Variants in EMCN observed in about 807,000 individuals in gnomAD.
EMCN encodes the protein MUC-14.
A neutral mutation model predicts 38.4 loss-of-function variants in EMCN; 37 were observed. That is an observed-to-expected ratio of 0.96 (90% CI 0.74 to 1.27). The LOEUF (loss-of-function observed/expected upper bound fraction) is 1.27, where lower values mean the gene tolerates loss of function less well. Ranked by LOEUF, EMCN falls within the 50% of genes most tolerant of loss-of-function variation. The pLI is 0.00. For synonymous variants in EMCN, 95 were observed against 100.8 expected (o/e 0.94, Z 0.35); for missense variants, 318 against 302.8 (o/e 1.05, Z -0.37).
intron 1 of EMCN, among the ~76,000 whole-genome samples, chr4:100,492,076 G>A (rs1314340386): frequency 6.6e-6 from 1 of 151,856 alleles, no homozygotes; most frequent in African/African-American, 2.4e-5. Context: ...GAAATGACAG[G>A]AAAAATATCA....
At chr4:100,516,491 C>T (rs1729759997) in intron 1 of EMCN, among the ~76,000 whole-genome samples, 1 of 152,000 alleles carries the variant, frequency 6.6e-6, no homozygotes, top group Admixed American at 6.6e-5. Flanking sequence ...TATCAATCTT[C>T]CCCAAGCAGA....
At chr4:100,407,984 T>C (rs1427314941) in intron 11 of EMCN, among the ~76,000 whole-genome samples, 4 of 152,212 alleles carry the variant, frequency 2.6e-5, no homozygotes, top group Admixed American at 1.3e-4. Flanking sequence ...CTTTGAGTTC[T>C]GAGATTCTTT....
At chr4:100,509,462 T>C (rs1729568089) in intron 1 of EMCN, among the ~76,000 whole-genome samples, 1 of 152,174 alleles carries the variant, frequency 6.6e-6, no homozygotes, top group Admixed American at 6.5e-5. Flanking sequence ...AGAGAGATAA[T>C]TGGAGAATTC....
At chr4:100,502,353 G>T (rs112745404) in intron 1 of EMCN, among the ~76,000 whole-genome samples, 2 of 151,898 alleles carry the variant, frequency 1.3e-5, no homozygotes, top group African/African-American at 4.8e-5. Flanking sequence ...ACAATTGCAG[G>T]CATTTACCTA....
intron 1 of EMCN, among the ~76,000 whole-genome samples, chr4:100,493,039 T>C (rs1265114807): frequency 1.3e-5 from 2 of 152,220 alleles, no homozygotes; most frequent in African/African-American, 2.4e-5. Context: ...TGGGTTACAC[T>C]TGAATTTATC....
intron 4 of EMCN, among the ~76,000 whole-genome samples, chr4:100,457,319 A>G (rs943657339): frequency 1.6e-4 from 24 of 151,704 alleles, no homozygotes; most frequent in African/African-American, 5.3e-4. Context: ...TTCTTTCCTG[A>G]TTGCTCTGAA....
intron 11 of EMCN, among the ~76,000 whole-genome samples, chr4:100,401,308 G>A (rs939967416): frequency 2.6e-5 from 4 of 151,964 alleles, no homozygotes; most frequent in Admixed American, 6.6e-5. Flanking sequence ...AATACAAATC[G>A]AAATATAGTA....
At chr4:100,432,035 A>G (rs537693446) in intron 5 of EMCN, among the ~76,000 whole-genome samples, 2 of 152,318 alleles carry the variant, frequency 1.3e-5, no homozygotes, top group South Asian at 4.1e-4. Context: ...TGTCTGTGTG[A>G]AAATGATAAG....
At chr4:100,400,161 A>G (rs1420112664) in intron 11 of EMCN, among the ~76,000 whole-genome samples, 1 of 152,190 alleles carries the variant, frequency 6.6e-6, no homozygotes, top group Non-Finnish European at 1.5e-5. Flanking sequence ...GTTTCTAACA[A>G]TATCTAATCA....
intron 4 of EMCN, among the ~76,000 whole-genome samples, chr4:100,456,423 G>A (rs551899992): frequency 2.6e-5 from 4 of 151,942 alleles, no homozygotes; most frequent in Non-Finnish European, 5.9e-5. Context: ...TAGTAATTAA[G>A]TTTGAACCAT....
intron 1 of EMCN, among the ~76,000 whole-genome samples, chr4:100,485,560 T>C (rs1578225760): frequency 6.6e-6 from 1 of 151,744 alleles, no homozygotes; most frequent in Non-Finnish European, 1.5e-5. Flanking sequence ...AAGTTGAAAA[T>C]TTCTGTCTTT....
intron 3 of EMCN, among the ~76,000 whole-genome samples, chr4:100,473,382 T>TTTTTTTTTTTTTTTTTTTTA (rs1728545619): frequency 8.3e-6 from 1 of 119,820 alleles, no homozygotes; most frequent in African/African-American, 3.2e-5. Context: ...TGTTTTTTTT[T>TTTTTTTTTTTTTTTTTTTTA]TTTGTTTTTT....
chr4:100,449,749 A>C (rs1416237377), intron 4 of EMCN, among the ~76,000 whole-genome samples: 2 of 152,014 alleles, frequency 1.3e-5, no homozygotes, highest in Non-Finnish European at 2.9e-5. Flanking sequence ...ATAACTATAC[A>C]TTAAGGTATA....
chr4:100,473,208 A>C, intron 3 of EMCN, among the ~76,000 whole-genome samples: 1 of 149,648 alleles, frequency 6.7e-6, no homozygotes, highest in South Asian at 2.1e-4. Flanking sequence ...AGAGACATAC[A>C]CATACTCAGG....
chr4:100,409,703 C>T (rs972256818), intron 11 of EMCN, among the ~76,000 whole-genome samples: 1 of 152,048 alleles, frequency 6.6e-6, no homozygotes, highest in Non-Finnish European at 1.5e-5. Context: ...GTGTTTTTTT[C>T]CACACATCCA....
In EMCN at chr4:100,398,225, T is replaced by G. The variant is rs1726163981; in HGVS notation, c.*188A>C. ...AACAGGAGAGCCCCGGGGTTCTTTT[T>G]GATTCCATCAAATTATTGCATGTCA... On this transcript the variant is annotated 3_prime_UTR_variant, in exon 12 of 12. Coordinates refer to ENST00000296420, the MANE Select transcript of EMCN (RefSeq NM_016242.4). 6.6e-6 allele frequency: 1 copy of G among 152,146 alleles called. No homozygotes were observed. The highest frequency in any genetic ancestry group is 1.5e-5 in the Non-Finnish European group (1 of 68,014). The allele number at this position is 152,146 out of a possible 1,614,324, so 9.4% of individuals were successfully genotyped here.
At chr4:100,429,118 A>G (rs1383877273) in intron 5 of EMCN, among the ~76,000 whole-genome samples, 1 of 152,164 alleles carries the variant, frequency 6.6e-6, no homozygotes, top group East Asian at 1.9e-4. Flanking sequence ...GGCCCCTTCT[A>G]AGAGTTAATA....
intron 1 of EMCN, chr4:100,483,257 G>A (rs1279291613): frequency 6.6e-6 from 1 of 152,062 alleles, no homozygotes; most frequent in Non-Finnish European, 1.5e-5. Flanking sequence ...TAAACAGTTT[G>A]CCAACACTAT....
chr4:100,439,041 C>T (rs923882616), intron 5 of EMCN, among the ~76,000 whole-genome samples: 1 of 152,020 alleles, frequency 6.6e-6, no homozygotes, highest in Non-Finnish European at 1.5e-5. Flanking sequence ...TTTGCATCTG[C>T]ATTCGTCAGA....
Sources: allele counts gnomAD v4.1 joint callset (sites outside exome capture counted in the v4.1 genomes callset), GRCh38; gene constraint gnomAD v4.1.1; transcripts MANE v1.5; gene names NCBI Gene and HGNC (gene_info 2026-07-23, HGNC 2026-07-21).